MARCHF1: variants seen among roughly 807,000 people sequenced by gnomAD.
MARCHF1 encodes the protein membrane associated ring-CH-type finger 1, also known as E3 ubiquitin-protein ligase MARCHF1.
In MARCHF1, 40 loss-of-function variants were observed where a neutral mutation model predicts 54.2. That is an observed-to-expected ratio of 0.74 (90% CI 0.57 to 0.96). The LOEUF is 0.96. MARCHF1 is among the 40% of genes least tolerant of loss of function. The probability of loss-of-function intolerance (pLI) is 0.00; values close to 1 mark genes in which losing one functional copy is unlikely to be tolerated. For missense variants in MARCHF1, 586 were observed against 656.5 expected (o/e 0.89, Z 1.17); for synonymous variants, 236 against 236.3 (o/e 1.00, Z 0.01).
rs1741405572 is a variant in MARCHF1 at position 163,613,230 on chromosome 4, G to C, written c.242+84C>G. 12 of 1,426,872 alleles carry C rather than the reference G, an allele frequency of 8.4e-6. 1 individual carries two copies. The South Asian group carries it at 1.7e-4, about 21-fold the overall frequency. 88.4% of individuals were successfully genotyped at this position (1,426,872 alleles called of 1,614,324 possible). A position where few individuals can be genotyped will look rare whatever the true frequency, so the allele number is the denominator to read the frequency against. ...TATGGACCATGTAAAGCAGAAGCAA[G>C]AGACACACATTCTCAGAACAAACAA... On this transcript the variant is annotated intron_variant, in intron 6 of 9. Transcript: ENST00000514618.
At chr4:164,369,419 A>G (rs950666626) in intron 1 of MARCHF1, among the ~76,000 whole-genome samples, 1 of 152,084 alleles carries the variant, frequency 6.6e-6, no homozygotes, top group African/African-American at 2.4e-5. Flanking sequence ...CCAATCCTGC[A>G]CCTGCCACTT....
intron 3 of MARCHF1, among the ~76,000 whole-genome samples, chr4:163,867,814 C>CTTTTT (rs34739113): frequency 1.5e-5 from 2 of 131,040 alleles, no homozygotes; most frequent in Non-Finnish European, 3.2e-5. Context: ...CATCAATTTC[C>CTTTTT]TTTTTTTTTT....
Position 163,620,987 on chromosome 4 carries a change from A to G in MARCHF1, c.163-7594T>C, listed in dbSNP as rs148820401. 2.6e-3 allele frequency among the ~76,000 whole-genome samples: 399 copies of G among 152,322 alleles called. 3 individuals carry two copies. Among genetic ancestry groups the G allele is most frequent in the Non-Finnish European group, 4.2e-3 (283 of 68,014 alleles). Reference sequence around the variant, plus strand: ...CAAGATTTGTGTTTTGTTCTCCACTATTTAAGTGATAAACTCTTTGCTTAT... The same window carrying G: ...CAAGATTTGTGTTTTGTTCTCCACTGTTTAAGTGATAAACTCTTTGCTTAT... On this transcript the variant is annotated intron_variant, in intron 5 of 9. Coordinates refer to ENST00000514618, the MANE Select transcript of MARCHF1 (RefSeq NM_001394959.1).
intron 4 of MARCHF1, among the ~76,000 whole-genome samples, chr4:163,755,622 T>C (rs939298214): frequency 9.1e-5 from 5 of 54,820 alleles, no homozygotes; most frequent in East Asian, 6.3e-4. Flanking sequence ...CAAAGATCCC[T>C]TTTTTTTTTT....
chr4:163,889,618 C>T (rs1035039056), intron 3 of MARCHF1, among the ~76,000 whole-genome samples: 2 of 152,066 alleles, frequency 1.3e-5, no homozygotes, highest in Non-Finnish European at 2.9e-5. Flanking sequence ...TTAAATTTCT[C>T]AGATTATAGT....
chr4:164,265,053 T>G (rs541168254), intron 1 of MARCHF1, among the ~76,000 whole-genome samples: 1 of 152,298 alleles, frequency 6.6e-6, no homozygotes, highest in Non-Finnish European at 1.5e-5. Flanking sequence ...TGAAAAATTA[T>G]TGATTCATAC....
intron 3 of MARCHF1, among the ~76,000 whole-genome samples, chr4:163,954,875 T>G (rs1019315554): frequency 1.3e-5 from 2 of 152,128 alleles, no homozygotes; most frequent in African/African-American, 4.8e-5. Context: ...AAATTCAGAA[T>G]AAAATTGCTT....
intron 2 of MARCHF1, among the ~76,000 whole-genome samples, chr4:164,056,357 TC>T (rs946316558): frequency 2.6e-5 from 4 of 151,976 alleles, no homozygotes; most frequent in African/African-American, 9.7e-5. Flanking sequence ...TGCTGTCTGA[TC>T]AGGACATCTC....
chr4:164,024,365 C>T (rs1371618767), intron 2 of MARCHF1, among the ~76,000 whole-genome samples: 1 of 152,046 alleles, frequency 6.6e-6, no homozygotes, highest in Non-Finnish European at 1.5e-5. Context: ...ACCAAGGGAA[C>T]CCCCATCAGG....
intron 1 of MARCHF1, among the ~76,000 whole-genome samples, chr4:164,329,404 A>G (rs1294109584): frequency 6.6e-6 from 1 of 152,236 alleles, no homozygotes; most frequent in African/African-American, 2.4e-5. Context: ...GAAAAAAGGA[A>G]GAAAGAAAAA....
rs34885496 is a variant in MARCHF1 at position 163,590,057 on chromosome 4, G to GGTGTGTGTGTGTGT, written c.1011-4142_1011-4129dup. Among the ~76,000 whole-genome samples, 728 of 146,232 alleles carry GGTGTGTGTGTGTGT rather than the reference G, an allele frequency of 5.0e-3. 7 individuals carry two copies. The highest frequency in any genetic ancestry group is 0.015 in the African/African-American group (595 of 39,776). ...TGCAGCAAATTAAATTTTAGATTTTGGTGTGTGTGTGTGTGTGTGTGTGTG... is the reference window on the plus strand; with the variant it reads ...TGCAGCAAATTAAATTTTAGATTTTGGTGTGTGTGTGTGTGTGTGTGTGTGTGTGTGTGTGTGTG... On this transcript the variant is annotated intron_variant, in intron 7 of 9. Coordinates refer to ENST00000514618, the MANE Select transcript of MARCHF1 (RefSeq NM_001394959.1).
At chr4:164,014,768 A>G (rs2110951674) in intron 2 of MARCHF1, among the ~76,000 whole-genome samples, 1 of 152,340 alleles carries the variant, frequency 6.6e-6, no homozygotes, top group South Asian at 2.1e-4. Context: ...AACATATTTC[A>G]AGAAAAAAAC....
At position 164,285,946 on chromosome 4, in the gene MARCHF1, T is replaced by TACC. The variant is rs550312872; in HGVS notation, c.-323+97921_-323+97923dup. On this transcript the variant is annotated intron_variant, in intron 1 of 9. Transcript: ENST00000514618. ...CTCATAAAAAAATTATGATCTGGAC[T>TACC]ACCTCGGGTCTCATCTTACCCCTTC... is the stretch of plus-strand genomic sequence containing the variant. 1.7e-3 allele frequency among the ~76,000 whole-genome samples: 265 copies of TACC among 151,736 alleles called. 1 individual carries two copies. Among genetic ancestry groups the TACC allele is most frequent in the African/African-American group, 6.3e-3 (261 of 41,456 alleles).
chr4:163,563,982 C>T (rs1739557177), intron 8 of MARCHF1, among the ~76,000 whole-genome samples: 1 of 152,132 alleles, frequency 6.6e-6, no homozygotes, highest in South Asian at 2.1e-4. Flanking sequence ...TTTAATTGAC[C>T]AAGCTTCTGT....
chr4:163,729,031 C>T (rs113267562), intron 4 of MARCHF1, among the ~76,000 whole-genome samples: 2 of 151,906 alleles, frequency 1.3e-5, no homozygotes, highest in African/African-American at 2.4e-5. Flanking sequence ...TTGATGTGAT[C>T]ATATAATTTA....
At chr4:164,017,024 G>A (rs2110957616) in intron 2 of MARCHF1, among the ~76,000 whole-genome samples, 1 of 151,970 alleles carries the variant, frequency 6.6e-6, no homozygotes, top group East Asian at 1.9e-4. Flanking sequence ...TTTAAAAGAT[G>A]TATCTAACAA....
chr4:164,006,614 G>C (rs769948467), intron 2 of MARCHF1, among the ~76,000 whole-genome samples: 4 of 152,200 alleles, frequency 2.6e-5, no homozygotes, highest in Non-Finnish European at 5.9e-5. Flanking sequence ...TAAATATCCA[G>C]ATACCGGCAG....
At chr4:164,027,460 C>A (rs1359155230) in intron 2 of MARCHF1, among the ~76,000 whole-genome samples, 1 of 145,412 alleles carries the variant, frequency 6.9e-6, no homozygotes, top group Non-Finnish European at 1.5e-5. Flanking sequence ...CACCTACAAT[C>A]ATCTGATGAT....
intron 3 of MARCHF1, among the ~76,000 whole-genome samples, chr4:163,968,254 G>A (rs545294094): frequency 6.6e-6 from 1 of 152,112 alleles, no homozygotes; most frequent in Admixed American, 6.6e-5. Context: ...GTACCCAGGA[G>A]AAAATGAAAT....
Sources: allele counts gnomAD v4.1 joint callset (sites outside exome capture counted in the v4.1 genomes callset), GRCh38; gene constraint gnomAD v4.1.1; transcripts MANE v1.5; gene names NCBI Gene and HGNC (gene_info 2026-07-23, HGNC 2026-07-21).